The following DIS3L2 variants were observed in gnomAD, a reference collection of about 807,000 sequenced individuals.
DIS3L2 encodes the protein DIS3 like 3'-5' exoribonuclease 2, also known as DIS3-like exonuclease 2.
In DIS3L2, 34 loss-of-function variants were observed where a neutral mutation model predicts 97.5. The observed-to-expected ratio is 0.35, with a 90% CI of 0.27 to 0.46. DIS3L2 has a LOEUF of 0.46. DIS3L2 is among the 20% of genes least tolerant of loss of function. The pLI is 1.00. For synonymous variants in DIS3L2, 435 were observed against 445.2 expected, an observed-to-expected ratio of 0.98 and a Z score of 0.29; for missense variants, 1,038 against 1,146.0, an observed-to-expected ratio of 0.91 and a Z score of 1.36.
intron 10 of DIS3L2, among the ~76,000 whole-genome samples, chr2:232,226,259 A>T (rs539660376): frequency 6.6e-6 from 1 of 152,218 alleles, no homozygotes; most frequent in Non-Finnish European, 1.5e-5. Flanking sequence ...TGTTAATCAT[A>T]GTCAGCCTTA....
chr2:231,991,628 A>G (rs1693587407), intron 1 of DIS3L2, among the ~76,000 whole-genome samples: 2 of 152,152 alleles, frequency 1.3e-5, no homozygotes, highest in Admixed American at 6.5e-5. Context: ...ATTATTTTCC[A>G]TCAGGGTATA....
At chr2:232,098,287 A>G (rs539124272) in intron 6 of DIS3L2, among the ~76,000 whole-genome samples, 212 of 152,062 alleles carry the variant, frequency 1.4e-3, no homozygotes, top group African/African-American at 4.6e-3. Context: ...GTACACTCCT[A>G]CTTGCAATGT....
intron 6 of DIS3L2, among the ~76,000 whole-genome samples, chr2:232,096,125 C>T (rs564546542): frequency 2.3e-4 from 34 of 145,396 alleles, no homozygotes; most frequent in African/African-American, 7.6e-4. Flanking sequence ...CTCGCTCTGT[C>T]GCCCAGGCTG....
chr2:232,022,047 G>A (rs1209777587), intron 3 of DIS3L2, among the ~76,000 whole-genome samples: 1 of 152,186 alleles, frequency 6.6e-6, no homozygotes, highest in African/African-American at 2.4e-5. Flanking sequence ...CTATAGAAAT[G>A]AAAGCCTTGG....
intron 9 of DIS3L2, among the ~76,000 whole-genome samples, chr2:232,201,404 G>A (rs1199571002): frequency 6.6e-6 from 1 of 152,124 alleles, no homozygotes; most frequent in Non-Finnish European, 1.5e-5. Flanking sequence ...CTTCTGTGAG[G>A]AAACAATCTA....
At chr2:232,329,789 T>TGGGCCCCCCCCCCC in intron 14 of DIS3L2, 24 bp from the exon 15 acceptor site, 1 of 368,622 alleles carries the variant, frequency 2.7e-6, no homozygotes, top group Non-Finnish European at 5.1e-6. Flanking sequence ...CAGCGGTCCC[T>TGGGCCCCCCCCCCC]CCCATCCCAC....
At chr2:232,278,445 C>T (rs1694202249) in intron 13 of DIS3L2, among the ~76,000 whole-genome samples, 3 of 152,140 alleles carry the variant, frequency 2.0e-5, no homozygotes, top group Admixed American at 6.5e-5. Flanking sequence ...CAGAAAATTC[C>T]CACGTGCCCC....
chr2:232,316,127 C>T lies in DIS3L2; in HGVS notation c.1740-13686C>T, dbSNP rs184537067. Among the ~76,000 whole-genome samples the T allele has an allele frequency of 2.9e-3, 436 of 152,240 alleles. 2 individuals carry two copies. Among genetic ancestry groups the T allele is most frequent in the Non-Finnish European group, 5.1e-3 (350 of 68,014 alleles). On this transcript the variant is annotated intron_variant, in intron 14 of 20. Transcript: ENST00000325385. ...TGGCATTGGTGTGTCTGTGTGTTCG[C>T]GAGCCCTGGCATGCCACTGCGGCTT...
chr2:232,177,135 T>C (rs952868940), intron 9 of DIS3L2, among the ~76,000 whole-genome samples: 5 of 146,724 alleles, frequency 3.4e-5, no homozygotes, highest in African/African-American at 1.3e-4. Context: ...GGACATAAAC[T>C]CATCATTTTT....
intron 14 of DIS3L2, among the ~76,000 whole-genome samples, chr2:232,320,068 C>T (rs1695383630): frequency 6.6e-6 from 1 of 151,854 alleles, no homozygotes; most frequent in South Asian, 2.1e-4. Context: ...TTTTCCCCGC[C>T]CTCCACCCCA....
chr2:231,985,428 C>T (rs900150332), intron 1 of DIS3L2, among the ~76,000 whole-genome samples: 1 of 152,186 alleles, frequency 6.6e-6, no homozygotes, highest in Admixed American at 6.5e-5. Context: ...TTCTTCATTG[C>T]TGAGTAGTAT....
At chr2:232,320,769 A>G (rs538902262) in intron 14 of DIS3L2, among the ~76,000 whole-genome samples, 4 of 152,246 alleles carry the variant, frequency 2.6e-5, no homozygotes, top group East Asian at 1.9e-4. Flanking sequence ...TGTTCCCCCA[A>G]ACATTTCACC....
At chr2:232,169,424 T>G (rs1690919577) in intron 9 of DIS3L2, among the ~76,000 whole-genome samples, 1 of 152,190 alleles carries the variant, frequency 6.6e-6, no homozygotes, top group African/African-American at 2.4e-5. Flanking sequence ...GCCCCTGTTC[T>G]TCAGGTAGAC....
rs1323490047 is a variant in DIS3L2, at chr2:232,334,924, G to T, written c.2394+189G>T. The T allele has an allele frequency of 2.2e-5, 13 of 578,102 alleles. No homozygotes were observed. The African/African-American group carries it at 2.4e-4, about 11-fold the overall frequency. The allele number at this position is 578,102 out of a possible 1,614,324, so 35.8% of individuals were successfully genotyped here. ...ATGGTGGCTCCAGGCCCAGGGTCAG[G>T]CCTGGCCCCCTTCCCCAAGGACCCA... On this transcript the variant is annotated intron_variant, in intron 19 of 20. Transcript: ENST00000325385.
At chr2:232,048,191 G>C (rs1384823852) in intron 5 of DIS3L2, among the ~76,000 whole-genome samples, 1 of 152,154 alleles carries the variant, frequency 6.6e-6, no homozygotes, top group African/African-American at 2.4e-5. Context: ...AAAGGAATTA[G>C]TCTTATGAAT....
At chr2:232,328,014 G>A (rs1695624385) in intron 14 of DIS3L2, among the ~76,000 whole-genome samples, 1 of 152,224 alleles carries the variant, frequency 6.6e-6, no homozygotes, top group Non-Finnish European at 1.5e-5. Flanking sequence ...GTCAAACCTG[G>A]GCTTGGGAGA....
At chr2:232,162,673 C>T (rs551107369) in intron 8 of DIS3L2, among the ~76,000 whole-genome samples, 2 of 152,292 alleles carry the variant, frequency 1.3e-5, no homozygotes, top group African/African-American at 2.4e-5. Flanking sequence ...TTTTGGTCTC[C>T]GCAATACCCT....
intron 5 of DIS3L2, among the ~76,000 whole-genome samples, chr2:232,052,784 T>A (rs935479236): frequency 4.6e-5 from 7 of 152,230 alleles, no homozygotes; most frequent in Non-Finnish European, 1.0e-4. Context: ...TCAATGCTGC[T>A]GTTTTATTGA....
intron 6 of DIS3L2, among the ~76,000 whole-genome samples, chr2:232,108,862 A>T (rs950890176): frequency 6.6e-6 from 1 of 152,306 alleles, no homozygotes; most frequent in East Asian, 1.9e-4. Context: ...GAAGTGAAGG[A>T]CCTATTCAAG....
Sources: gnomAD v4.1 joint callset for allele counts (sites outside exome capture counted in the v4.1 genomes callset) on GRCh38, gnomAD v4.1.1 for gene constraint, MANE v1.5 for transcripts, NCBI Gene and HGNC (gene_info 2026-07-23, HGNC 2026-07-21) for gene names.